Variants in UTP20 observed in about 807,000 individuals in gnomAD.
UTP20 encodes the protein small subunit processome component 20 homolog.
UTP20 carries 164 observed loss-of-function variants against 329.5 expected under a neutral mutation model. The ratio of observed to expected loss-of-function variants is 0.50; its 90% CI spans 0.44 to 0.57. The LOEUF (loss-of-function observed/expected upper bound fraction) is 0.57. UTP20 is among the 20% of genes least tolerant of loss of function. UTP20 has a pLI of 0.00. For missense variants in UTP20, 3,055 were observed against 3,284.2 expected (o/e 0.93, Z 1.71); for synonymous variants, 1,151 against 1,159.3 (o/e 0.99, Z 0.14).
chr12:101,330,895 A>G (rs1366438256), intron 27 of UTP20, among the ~76,000 whole-genome samples: 1 of 152,180 alleles, frequency 6.6e-6, no homozygotes, highest in East Asian at 1.9e-4. Flanking sequence ...AAATTCTTGG[A>G]CCCATCCAAG....
rs1468264630 is a variant in UTP20, at chr12:101,342,829, G to A, written c.4288G>A (p.Val1430Ile). Reference protein sequence around the residue: ...FESGLKYITDVVKLNAFDQRH... With the variant: ...FESGLKYITDIVKLNAFDQRH... The stretch of plus-strand genomic sequence containing the variant: ...GAGTGGGTTAAAATATATTACTGAT[G>A]TTGTCAAGGTAAGAAAGAAGGGTTT... Residue 1430 changes from valine (V) to isoleucine (I), a missense_variant, in exon 34 of 62, where the codon GTT becomes ATT. Val to Ile is a conservative substitution (Grantham distance 29). Coordinates refer to ENST00000261637, the MANE Select transcript of UTP20 (RefSeq NM_014503.3). 1 of 1,613,282 alleles carries A rather than the reference G, an allele frequency of 6.2e-7. No individual in the cohort carries two copies. The highest frequency in any genetic ancestry group is 2.2e-5 in the East Asian group (1 of 44,850).
At chr12:101,306,361 C>T (rs1217478480) in intron 16 of UTP20, among the ~76,000 whole-genome samples, 1 of 151,932 alleles carries the variant, frequency 6.6e-6, no homozygotes, top group African/African-American at 2.4e-5. Flanking sequence ...TTCTCCTGCT[C>T]ATTTAGGTAT....
Position 101,280,347 on chromosome 12 carries a change from C to G in UTP20, c.45+20C>G, listed in dbSNP as rs1226664320. 1 of 1,551,640 alleles carries G rather than the reference C, an allele frequency of 6.4e-7. No homozygotes were observed. The highest frequency in any genetic ancestry group is 1.2e-5 in the South Asian group (1 of 84,062). On this transcript the variant is annotated intron_variant, in intron 1 of 61. Transcript: ENST00000261637. ...TACCGGGTGAGCGCGGGAGCTTAGG[C>G]AGGGAGCCGCGGGTCTCCGCTGCCT...
In UTP20 at chr12:101,365,636, A is replaced by G. The variant is rs1341238616; in HGVS notation, c.6125+11A>G. The G allele has an allele frequency of 6.4e-7, 1 of 1,550,694 alleles. No individual in the cohort carries two copies. The highest frequency in any genetic ancestry group is 1.4e-5 in the African/African-American group (1 of 71,320). ...AACAGAGAAAGAAAAGTAAGTTGGAAAAAAAACAAACTGTCATTTAGGTCT... is the reference window on the plus strand; with the variant it reads ...AACAGAGAAAGAAAAGTAAGTTGGAGAAAAAACAAACTGTCATTTAGGTCT... On this transcript the variant is annotated intron_variant, in intron 46 of 61. Coordinates refer to ENST00000261637, the MANE Select transcript of UTP20 (RefSeq NM_014503.3).
intron 21 of UTP20, among the ~76,000 whole-genome samples, chr12:101,315,891 ATGCTG>A (rs1872957544): frequency 6.6e-6 from 1 of 152,190 alleles, no homozygotes; most frequent in African/African-American, 2.4e-5. Context: ...ATGGTACAAG[ATGCTG>A]TGGGGTAGAG....
In UTP20 at chr12:101,365,495, A is replaced by G. The variant is rs1334039209; in HGVS notation, c.5995A>G (p.Lys1999Glu). 1 of 1,610,076 alleles carries G rather than the reference A, an allele frequency of 6.2e-7. No individual in the cohort carries two copies. Among genetic ancestry groups the G allele is most frequent in the Non-Finnish European group, 8.5e-7 (1 of 1,179,094 alleles). Residue 1999 changes from lysine (K) to glutamate (E), a missense_variant, in exon 46 of 62, where the codon AAA becomes GAA. Lys to Glu is a moderately conservative substitution (Grantham distance 56). Transcript: ENST00000261637. ...QNTTSLKLARKVHETLRRITV... is the reference protein window; with the variant it reads ...QNTTSLKLAREVHETLRRITV... ...TACCACGAGTTTGAAACTGGCCCGG[A>G]AAGTTCATGAAACTTTACGCCGAAT...
chr12:101,361,116 C>T (rs1033583173), intron 43 of UTP20, among the ~76,000 whole-genome samples: 23 of 152,262 alleles, frequency 1.5e-4, no homozygotes, highest in African/African-American at 5.3e-4. Flanking sequence ...GATGTAGTAC[C>T]TACTCCATAG....
intron 12 of UTP20, among the ~76,000 whole-genome samples, chr12:101,296,457 G>C (rs1872353268): frequency 6.6e-6 from 1 of 152,020 alleles, no homozygotes; most frequent in Non-Finnish European, 1.5e-5. Context: ...TGTAGTCCTA[G>C]TTACTCGGGA....
intron 33 of UTP20, 94 bp downstream of exon 33, chr12:101,342,683 G>T: frequency 1.3e-6 from 2 of 1,533,690 alleles, no homozygotes; most frequent in Non-Finnish European, 1.8e-6. Context: ...ATGCCAGGGT[G>T]ATGTTTTTAT....
chr12:101,329,840 C>CA (rs915876716), intron 27 of UTP20, among the ~76,000 whole-genome samples: 1 of 151,380 alleles, frequency 6.6e-6, no homozygotes, highest in African/African-American at 2.4e-5. Flanking sequence ...CCCATTTATG[C>CA]AAAAAAGTAA....
chr12:101,365,549 A>T lies in UTP20; in HGVS notation c.6049A>T (p.Met2017Leu). The T allele has an allele frequency of 6.2e-7, 1 of 1,613,342 alleles. No homozygotes were observed. ...AGTGGGATTAATTGTAAATCAGGAA[A>T]TGACAGCTGAATCCATTCTATTACT... ...ITVGLIVNQE[M>L]TAESILLLSY... Residue 2017 changes from methionine to leucine, a missense_variant, in exon 46 of 62, where the codon ATG (methionine) becomes TTG (leucine). By Grantham distance (15) the Met-to-Leu change is conservative. Transcript: ENST00000261637.
At chr12:101,380,980 C>A (rs1418910899) in intron 57 of UTP20, among the ~76,000 whole-genome samples, 160 bp from the exon 58 acceptor site, 1 of 152,028 alleles carries the variant, frequency 6.6e-6, no homozygotes, top group Non-Finnish European at 1.5e-5. Flanking sequence ...GAGCAGTACA[C>A]CACTTCTGGT....
intron 17 of UTP20, 45 bp from the exon 18 acceptor site, chr12:101,308,140 C>G (rs759189847): frequency 6.9e-7 from 1 of 1,446,376 alleles, no homozygotes; most frequent in Non-Finnish European, 9.1e-7. Flanking sequence ...TTTGGAAAAT[C>G]AAAATACTGA....
chr12:101,312,295 G>A lies in UTP20; in HGVS notation c.2552+19G>A. The A allele has an allele frequency of 6.2e-7, 1 of 1,612,370 alleles. No homozygotes were observed. The highest frequency in any genetic ancestry group is 8.5e-7 in the Non-Finnish European group (1 of 1,179,404). On this transcript the variant is annotated intron_variant, in intron 21 of 61. Coordinates refer to ENST00000261637, the MANE Select transcript of UTP20 (RefSeq NM_014503.3). ...TTATCAAGTAAGTTTCCTCTTCTAA[G>A]AATATGTCCCTGGTGGGGCATGAAG...
intron 31 of UTP20, 140 bp from the exon 32 acceptor site, chr12:101,340,383 A>G (rs1869081110): frequency 1.8e-6 from 1 of 562,816 alleles, no homozygotes; most frequent in Non-Finnish European, 3.1e-6. Flanking sequence ...CTTTTTATAC[A>G]TGCACACATA....
At chr12:101,375,023 A>G (rs920781140) in intron 55 of UTP20, 84 bp downstream of exon 55, 3 of 898,718 alleles carry the variant, frequency 3.3e-6, no homozygotes, top group Non-Finnish European at 5.2e-6. Context: ...ATATCAGCTT[A>G]TAGGTTAAAT....
chr12:101,372,722 T>C (rs1221425522), intron 51 of UTP20, among the ~76,000 whole-genome samples, 162 bp from the exon 52 acceptor site: 1 of 152,228 alleles, frequency 6.6e-6, no homozygotes, highest in Non-Finnish European at 1.5e-5. Flanking sequence ...ACAGTTGCTA[T>C]TGACTTCATA....
In UTP20 at chr12:101,333,520, A is replaced by G. The variant is rs113570470; in HGVS notation, c.3561+76A>G. On this transcript the variant is annotated intron_variant, in intron 28 of 61. Transcript: ENST00000261637. ...TTACTAACTCACCAACATAGCTACC[A>G]CCCAGACATGAATGCTTACCTGGGT... 2.4e-5 allele frequency: 36 copies of G among 1,530,876 alleles called. No individual in the cohort carries two copies. The African/African-American group carries it at 4.3e-4, about 18-fold the overall frequency. 94.8% of individuals were successfully genotyped at this position (1,530,876 alleles called of 1,614,324 possible).
intron 21 of UTP20, among the ~76,000 whole-genome samples, chr12:101,317,169 C>A (rs944464832): frequency 6.6e-6 from 1 of 152,194 alleles, no homozygotes; most frequent in African/African-American, 2.4e-5. Context: ...AACCCCTCAT[C>A]CCCCAGTGGT....
Sources: gnomAD v4.1 joint callset for allele counts (sites outside exome capture counted in the v4.1 genomes callset) on GRCh38, gnomAD v4.1.1 for gene constraint, MANE v1.5 for transcripts, NCBI Gene and HGNC (gene_info 2026-07-23, HGNC 2026-07-21) for gene names.